The following CCDC180 variants were observed in gnomAD, a reference collection of about 807,000 sequenced individuals.
CCDC180 encodes coiled-coil domain containing 180.
A neutral mutation model predicts 209.2 loss-of-function variants in CCDC180; 154 were observed. That is an observed-to-expected ratio of 0.74 (90% CI 0.65 to 0.84). The LOEUF (loss-of-function observed/expected upper bound fraction) is 0.84. CCDC180 is among the 40% of genes least tolerant of loss of function. CCDC180 has a pLI of 0.00. For synonymous variants in CCDC180, 778 were observed against 749.1 expected, an observed-to-expected ratio of 1.04 and a Z score of -0.63; for missense variants, 1,874 against 1,997.3, an observed-to-expected ratio of 0.94 and a Z score of 1.18.
chr9:97,367,389 G>T (rs546152565), intron 31 of CCDC180, among the ~76,000 whole-genome samples: 17 of 151,988 alleles, frequency 1.1e-4, no homozygotes, highest in Non-Finnish European at 2.4e-4. Context: ...CCAGAACTGG[G>T]CCAGGACCCA....
At chr9:97,318,376 A>G in intron 9 of CCDC180, 87 bp from the exon 10 acceptor site, 10 of 1,523,370 alleles carry the variant, frequency 6.6e-6, no homozygotes, top group Non-Finnish European at 8.0e-6. Flanking sequence ...GAGGCTCTGA[A>G]TGCTGTCACC....
intron 19 of CCDC180, among the ~76,000 whole-genome samples, chr9:97,344,245 G>C (rs1322248375): frequency 6.6e-6 from 1 of 152,134 alleles, no homozygotes; most frequent in Non-Finnish European, 1.5e-5. Context: ...AATGTCATAG[G>C]AGGGCTCATC....
chr9:97,347,152 G>A (rs1826281573), intron 19 of CCDC180, among the ~76,000 whole-genome samples, 162 bp from the exon 20 acceptor site: 1 of 152,166 alleles, frequency 6.6e-6, no homozygotes, highest in African/African-American at 2.4e-5. Flanking sequence ...GCAGTGGTAT[G>A]GTTAAAAGAG....
At chr9:97,312,419 G>A (rs577904398) in intron 4 of CCDC180, among the ~76,000 whole-genome samples, 2 of 152,262 alleles carry the variant, frequency 1.3e-5, no homozygotes, top group African/African-American at 4.8e-5. Flanking sequence ...CCTGCATGGA[G>A]GGCAGTTACT....
chr9:97,330,003 G>C, intron 16 of CCDC180, 151 bp from the exon 17 acceptor site: 2 of 649,934 alleles, frequency 3.1e-6, no homozygotes, highest in Middle Eastern at 4.3e-4. Flanking sequence ...GGGAGGCGGA[G>C]CTTGCAGCGA....
chr9:97,342,169 C>T (rs1470456344), intron 18 of CCDC180, among the ~76,000 whole-genome samples: 1 of 152,228 alleles, frequency 6.6e-6, no homozygotes, highest in African/African-American at 2.4e-5. Flanking sequence ...GGCTCACCCT[C>T]CGTGGGCTGC....
intron 20 of CCDC180, among the ~76,000 whole-genome samples, chr9:97,348,015 G>T (rs914930862): frequency 1.3e-5 from 2 of 151,826 alleles, no homozygotes; most frequent in South Asian, 4.1e-4. Flanking sequence ...CCTTGTACAA[G>T]ATACAGCCTC....
intron 15 of CCDC180, among the ~76,000 whole-genome samples, chr9:97,327,241 T>C (rs552801609): frequency 4.6e-5 from 7 of 152,270 alleles, no homozygotes; most frequent in African/African-American, 1.7e-4. Context: ...TGCAAACATA[T>C]AGAGATTTTT....
rs749862102 is a variant in CCDC180, at chr9:97,343,471, C to G, written c.2406C>G (p.Thr802=). 3.7e-6 allele frequency: 6 copies of G among 1,613,934 alleles called. No individual in the cohort carries two copies. The highest frequency in any genetic ancestry group is 5.1e-6 in the Non-Finnish European group (6 of 1,179,958). ...AGCATTGTAGGAAGTCCCATTCCAC[C>G]TTCTCAGCCATGTTCATCAACGACA... The part of the protein sequence containing the change: ...EEEHCRKSHS[T]FSAMFINDTS... Residue 802 remains threonine, a synonymous_variant, in exon 19 of 37, where the codon ACC becomes ACG. Transcript: ENST00000529487.
At chr9:97,309,895 A>G (rs977922137) in intron 3 of CCDC180, among the ~76,000 whole-genome samples, 5 of 152,150 alleles carry the variant, frequency 3.3e-5, no homozygotes, top group Admixed American at 6.5e-5. Context: ...CATCCCCCCA[A>G]TGGCAGAAAA....
intron 19 of CCDC180, among the ~76,000 whole-genome samples, chr9:97,346,024 C>T (rs558688559): frequency 6.6e-6 from 1 of 152,048 alleles, no homozygotes; most frequent in Non-Finnish European, 1.5e-5. Flanking sequence ...ATCTAAAATC[C>T]ACCTGGAACT....
In CCDC180 at chr9:97,320,161, T is replaced by C; in HGVS notation, c.1115T>C (p.Leu372Pro). 1 of 1,614,188 alleles carries C rather than the reference T, an allele frequency of 6.2e-7. No individual in the cohort carries two copies. Among genetic ancestry groups the C allele is most frequent in the Non-Finnish European group, 8.5e-7 (1 of 1,180,010 alleles). The change falls in exon 11 of 37, where the codon CTG (leucine) becomes CCG (proline). Residue 372 changes from leucine to proline, a missense_variant. Leu to Pro is a moderately conservative substitution (Grantham distance 98, BLOSUM62 -3). Coordinates refer to ENST00000529487, the MANE Select transcript of CCDC180 (RefSeq NM_020893.6). ...LLPPSYSKTQLTEWHSSLNSL... is the reference protein window; with the variant it reads ...LLPPSYSKTQPTEWHSSLNSL... ...CCCCCCAGTTACAGCAAAACTCAGC[T>C]GACTGAGTGGCATTCTTCCCTCAAC...
chr9:97,318,635 G>A, intron 10 of CCDC180, 53 bp downstream of exon 10: 1 of 1,596,814 alleles, frequency 6.3e-7, no homozygotes, highest in Non-Finnish European at 8.5e-7. Context: ...TGCAGTGAGG[G>A]AGGCAGAAGT....
intron 11 of CCDC180, among the ~76,000 whole-genome samples, chr9:97,322,441 G>A (rs924317651): frequency 3.9e-5 from 6 of 152,162 alleles, no homozygotes; most frequent in African/African-American, 9.7e-5. Context: ...AAATAAAAAA[G>A]CCAGCTTCTG....
rs200440280 is a variant in CCDC180 at position 97,371,592 on chromosome 9, C to T, written c.4489-3C>T. ...AGCACTGTGCTCACCATGTTTTTTC[C>T]AGGAATGTACCAGAAGGAATGGCCA... On this transcript the variant is annotated splice_region_variant and splice_polypyrimidine_tract_variant and intron_variant, in intron 33 of 36. Transcript: ENST00000529487. 2,593 of 1,588,510 alleles carry T rather than the reference C, an allele frequency of 1.6e-3. 1 individual carries two copies. The highest frequency in any genetic ancestry group is 2.3e-3 in the Middle Eastern group (14 of 5,964).
At chr9:97,350,342 C>T in intron 21 of CCDC180, 67 bp from the exon 22 acceptor site, 1 of 1,477,382 alleles carries the variant, frequency 6.8e-7, no homozygotes, top group Non-Finnish European at 9.1e-7. Context: ...ACCATCACCA[C>T]CTGCCCCTCC....
intron 17 of CCDC180, 39 bp downstream of exon 17, chr9:97,330,232 T>C (rs1169915578): frequency 6.2e-7 from 1 of 1,612,750 alleles, no homozygotes; most frequent in Non-Finnish European, 8.5e-7. Context: ...CTCCCAGACT[T>C]CACTCTTACG....
intron 18 of CCDC180, among the ~76,000 whole-genome samples, chr9:97,338,386 A>C (rs1825974300): frequency 6.6e-6 from 1 of 152,174 alleles, no homozygotes. Flanking sequence ...GGTTTCAAAG[A>C]GCATCTTTAT....
In CCDC180 at chr9:97,307,670, AC is replaced by A. The variant is rs1832838349; in HGVS notation, c.-217del. 7 of 1,527,922 alleles carry A rather than the reference AC, an allele frequency of 4.6e-6. No individual in the cohort carries two copies. The allele number at this position is 1,527,922 out of a possible 1,614,324, so 94.6% of individuals were successfully genotyped here. ...CCAACCGACACCTTGAGCGCCGTTA[AC>A]TTTTCCCCGAAGAGCATGGCAGAGT... On this transcript the variant is annotated 5_prime_UTR_variant, in exon 1 of 37. Transcript: ENST00000529487.
Sources: gnomAD v4.1 joint callset for allele counts (sites outside exome capture counted in the v4.1 genomes callset) on GRCh38, gnomAD v4.1.1 for gene constraint, MANE v1.5 for transcripts, NCBI Gene and HGNC (gene_info 2026-07-23, HGNC 2026-07-21) for gene names.